Variants in KLHL32 observed in about 807,000 individuals in gnomAD.
The protein encoded by KLHL32 is kelch like family member 32.
In KLHL32, 35 loss-of-function variants were observed where a neutral mutation model predicts 64.8. The observed-to-expected ratio is 0.54, with a 90% CI of 0.41 to 0.72. The LOEUF (loss-of-function observed/expected upper bound fraction) is 0.72, where lower values mean the gene tolerates loss of function less well. Ranked by LOEUF, KLHL32 falls within the 30% of genes least tolerant of loss-of-function variation. The probability of loss-of-function intolerance (pLI) is 0.00; values close to 1 mark genes in which losing one functional copy is unlikely to be tolerated. For synonymous variants in KLHL32, 259 were observed against 281.0 expected, an observed-to-expected ratio of 0.92 and a Z score of 0.78; for missense variants, 589 against 768.5, an observed-to-expected ratio of 0.77 and a Z score of 2.76.
At chr6:96,986,458 C>T (rs1043843577) in intron 3 of KLHL32, among the ~76,000 whole-genome samples, 7 of 152,218 alleles carry the variant, frequency 4.6e-5, no homozygotes, top group Non-Finnish European at 8.8e-5. Flanking sequence ...TGGCTGTGCC[C>T]TGCCCCCAGA....
At chr6:96,941,024 T>A (rs898977770) in intron 1 of KLHL32, among the ~76,000 whole-genome samples, 2 of 152,238 alleles carry the variant, frequency 1.3e-5, no homozygotes, top group Non-Finnish European at 2.9e-5. Flanking sequence ...GGAAATCAGA[T>A]AATTAACACC....
intron 10 of KLHL32, among the ~76,000 whole-genome samples, chr6:97,134,104 A>T (rs913299259): frequency 1.3e-5 from 2 of 152,192 alleles, no homozygotes; most frequent in African/African-American, 4.8e-5. Flanking sequence ...AATTCCCAGA[A>T]CTGTGATAAT....
intron 3 of KLHL32, among the ~76,000 whole-genome samples, chr6:96,991,927 A>G (rs1460458025): frequency 6.6e-6 from 1 of 151,946 alleles, no homozygotes; most frequent in Non-Finnish European, 1.5e-5. Flanking sequence ...CTGGGGGTCT[A>G]TGATAGTCCC....
At chr6:97,052,312 G>A (rs1034347788) in intron 4 of KLHL32, among the ~76,000 whole-genome samples, 1 of 152,134 alleles carries the variant, frequency 6.6e-6, no homozygotes, top group Non-Finnish European at 1.5e-5. Context: ...ATACCACAAG[G>A]ACAGATCCCA....
chr6:97,102,135 T>C (rs556043806), intron 6 of KLHL32, among the ~76,000 whole-genome samples: 1 of 152,234 alleles, frequency 6.6e-6, no homozygotes, highest in Non-Finnish European at 1.5e-5. Context: ...TTTTCATAAA[T>C]GCACAAATAT....
At chr6:96,922,505 TA>T (rs11301965), upstream of KLHL32, among the ~76,000 whole-genome samples, 106,425 of 150,272 alleles carry the variant, frequency 0.71, 37,694 homozygotes, top group South Asian at 0.78. Context: ...ACTCACACTT[TA>T]AAAAAAAAAA....
At chr6:97,111,351 G>C (rs1797108121) in intron 6 of KLHL32, among the ~76,000 whole-genome samples, 1 of 152,246 alleles carries the variant, frequency 6.6e-6, no homozygotes, top group Admixed American at 6.5e-5. Context: ...CCCAGAGGAA[G>C]ATCCTGGGCG....
At chr6:96,937,997 C>CAGGAAATACT (rs1770821276) in intron 1 of KLHL32, among the ~76,000 whole-genome samples, 1 of 152,342 alleles carries the variant, frequency 6.6e-6, no homozygotes, top group African/African-American at 2.4e-5. Flanking sequence ...AACACACTCT[C>CAGGAAATACT]AGGAAATACT....
chr6:96,948,954 C>A (rs556249513), intron 1 of KLHL32, among the ~76,000 whole-genome samples: 1 of 152,296 alleles, frequency 6.6e-6, no homozygotes, highest in South Asian at 2.1e-4. Context: ...ACTTTCTTAT[C>A]TCCGACTTTA....
intron 3 of KLHL32, among the ~76,000 whole-genome samples, chr6:97,040,045 T>C (rs1308993727): frequency 1.3e-5 from 2 of 151,780 alleles, no homozygotes; most frequent in African/African-American, 2.4e-5. Context: ...ATAAATAAAA[T>C]TGCTAAAAGA....
the KLHL32 span, among the ~76,000 whole-genome samples, chr6:96,906,617 A>G: frequency 6.6e-6 from 1 of 152,130 alleles, no homozygotes; most frequent in African/African-American, 2.4e-5. Flanking sequence ...TTTTTGGTCC[A>G]ATTTTCTTAG....
At chr6:97,012,363 T>A (rs1284010233) in intron 3 of KLHL32, among the ~76,000 whole-genome samples, 2 of 152,110 alleles carry the variant, frequency 1.3e-5, no homozygotes, top group African/African-American at 4.8e-5. Context: ...AAGCAGAGGT[T>A]GGAGTGATGT....
At chr6:96,914,580 G>T in the KLHL32 span, 1 of 152,200 alleles carries the variant, frequency 6.6e-6, no homozygotes, top group African/African-American at 2.4e-5. Context: ...GGAGAAGGGG[G>T]TTTAGCTGGG....
At chr6:96,998,055 C>T (rs947764469) in intron 3 of KLHL32, among the ~76,000 whole-genome samples, 1 of 152,190 alleles carries the variant, frequency 6.6e-6, no homozygotes, top group Non-Finnish European at 1.5e-5. Context: ...ATTTTTGCTT[C>T]CAGCCCCCAA....
chr6:97,033,507 T>TA (rs1462428525), intron 3 of KLHL32, among the ~76,000 whole-genome samples: 1 of 152,148 alleles, frequency 6.6e-6, no homozygotes, highest in East Asian at 1.9e-4. Flanking sequence ...GCTATCACTT[T>TA]AAGATACTAA....
the KLHL32 span, among the ~76,000 whole-genome samples, chr6:96,902,306 G>A: frequency 1.3e-5 from 2 of 152,118 alleles, no homozygotes; most frequent in Admixed American, 1.3e-4. Context: ...ACTGGTGTGG[G>A]ATGCTATCTC....
At chr6:97,030,302 C>A (rs764091317) in intron 3 of KLHL32, among the ~76,000 whole-genome samples, 7 of 152,194 alleles carry the variant, frequency 4.6e-5, no homozygotes, top group Non-Finnish European at 8.8e-5. Context: ...GTAGCTGTAA[C>A]TAATCTTGTG....
chr6:97,042,471 A>C (rs1470920892), intron 4 of KLHL32, among the ~76,000 whole-genome samples: 1 of 152,124 alleles, frequency 6.6e-6, no homozygotes, highest in African/African-American at 2.4e-5. Context: ...TCATTTTTCT[A>C]CTGAATTTTA....
chr6:97,056,809 C>A (rs935932898), intron 4 of KLHL32, among the ~76,000 whole-genome samples: 4 of 152,070 alleles, frequency 2.6e-5, no homozygotes, highest in African/African-American at 9.7e-5. Context: ...GAGGCCAAAG[C>A]AGAAAGATCG....
Sources: allele counts gnomAD v4.1 joint callset (sites outside exome capture counted in the v4.1 genomes callset), GRCh38; gene constraint gnomAD v4.1.1; transcripts MANE v1.5; gene names NCBI Gene and HGNC (gene_info 2026-07-23, HGNC 2026-07-21).